The following VPS13B variants were observed in gnomAD, a reference collection of about 807,000 sequenced individuals.
The protein encoded by VPS13B is vacuolar protein sorting 13 homolog B.
Under a neutral mutation model 426.4 loss-of-function variants are expected in VPS13B, and 285 were observed. The observed-to-expected ratio is 0.67, with a 90% CI of 0.61 to 0.74. The LOEUF is 0.74. VPS13B is among the 30% of genes least tolerant of loss of function. The pLI, the probability that VPS13B is intolerant of heterozygous loss-of-function variation, is 0.00. For missense variants in VPS13B, 4,537 were observed against 4,782.6 expected, an observed-to-expected ratio of 0.95 and a Z score of 1.51; for synonymous variants, 1,676 against 1,676.4, an observed-to-expected ratio of 1.00 and a Z score of 0.01.
At position 99,334,287 on chromosome 8, in the gene VPS13B, T is replaced by C. The variant is rs139186418; in HGVS notation, c.2825-49921T>C. Among the ~76,000 whole-genome samples, 925 of 152,110 alleles carry C rather than the reference T, an allele frequency of 6.1e-3. 13 individuals are homozygous for C. The highest frequency in any genetic ancestry group is 0.021 in the African/African-American group (880 of 41,528). ...TACTAAGCTTGAAATGATATCTCAT[T>C]CTTGTTTTAATTTGTGCTTCTCAGT... is the stretch of plus-strand genomic sequence containing the variant. On this transcript the variant is annotated intron_variant, in intron 19 of 61. Coordinates refer to ENST00000357162, the MANE Select transcript of VPS13B (RefSeq NM_152564.5).
At chr8:99,492,865 G>A (rs1820688890) in intron 25 of VPS13B, among the ~76,000 whole-genome samples, 3 of 152,112 alleles carry the variant, frequency 2.0e-5, no homozygotes, top group Admixed American at 2.0e-4. Context: ...CACCCTCCAT[G>A]GGCTGCACCC....
At chr8:99,064,544 G>A (rs914075551) in intron 3 of VPS13B, among the ~76,000 whole-genome samples, 1 of 152,186 alleles carries the variant, frequency 6.6e-6, no homozygotes, top group African/African-American at 2.4e-5. Context: ...AAAATGAGAA[G>A]AGAAGTTTAG....
rs973647905 is a variant in VPS13B at position 99,411,610 on chromosome 8, T to C, written c.3082+19906T>C. On this transcript the variant is annotated intron_variant, in intron 21 of 61. Transcript: ENST00000357162. ...TTTTGGTTTTTGTTGCCGTTGCTTTTGGTGTTTTAGTTATGAAGTCTTTGC... is the reference window on the plus strand; with the variant it reads ...TTTTGGTTTTTGTTGCCGTTGCTTTCGGTGTTTTAGTTATGAAGTCTTTGC... Among the ~76,000 whole-genome samples, 14 of 152,246 alleles carry C rather than the reference T, an allele frequency of 9.2e-5. 1 individual carries two copies. The highest frequency in any genetic ancestry group is 3.4e-4 in the African/African-American group (14 of 41,474).
chr8:99,855,843 C>T (rs571783995), intron 56 of VPS13B, among the ~76,000 whole-genome samples: 10 of 152,332 alleles, frequency 6.6e-5, no homozygotes, highest in African/African-American at 2.2e-4. Context: ...ATGAAGAAAA[C>T]ATTTCCCTAT....
At chr8:99,356,971 A>G (rs1421599311) in intron 19 of VPS13B, among the ~76,000 whole-genome samples, 1 of 152,184 alleles carries the variant, frequency 6.6e-6, no homozygotes, top group Non-Finnish European at 1.5e-5. Context: ...TATTTATTAT[A>G]GAAAATGTAA....
chr8:99,300,561 G>T (rs1820304743), intron 19 of VPS13B, among the ~76,000 whole-genome samples: 1 of 152,114 alleles, frequency 6.6e-6, no homozygotes, highest in African/African-American at 2.4e-5. Context: ...ATATGTGTTT[G>T]GCTAAGAGTA....
intron 25 of VPS13B, 113 bp downstream of exon 25, chr8:99,481,915 G>T: frequency 7.9e-7 from 1 of 1,266,156 alleles, no homozygotes; most frequent in Non-Finnish European, 1.1e-6. Flanking sequence ...GATAGATTCT[G>T]AAGGTTCAAG....
intron 21 of VPS13B, among the ~76,000 whole-genome samples, chr8:99,394,178 A>G (rs1814609085): frequency 6.6e-6 from 1 of 152,138 alleles, no homozygotes; most frequent in Non-Finnish European, 1.5e-5. Flanking sequence ...GTTACAGTGG[A>G]GAAATGTTAA....
At chr8:99,418,979 G>T (rs533001275) in intron 21 of VPS13B, among the ~76,000 whole-genome samples, 1 of 152,100 alleles carries the variant, frequency 6.6e-6, no homozygotes, top group African/African-American at 2.4e-5. Context: ...TCTCGCAAAG[G>T]CCTTGCCACT....
chr8:99,051,211 G>A (rs948647564), intron 3 of VPS13B, among the ~76,000 whole-genome samples: 1 of 152,156 alleles, frequency 6.6e-6, no homozygotes, highest in Non-Finnish European at 1.5e-5. Context: ...TTTGTATAAG[G>A]TGTAAGGAAG....
intron 51 of VPS13B, among the ~76,000 whole-genome samples, chr8:99,826,649 G>T (rs747690758): frequency 6.6e-6 from 1 of 152,192 alleles, no homozygotes; most frequent in Non-Finnish European, 1.5e-5. Flanking sequence ...TCTTGTGATG[G>T]TTTTCAAAGG....
chr8:99,476,366 G>C (rs1216928855), intron 24 of VPS13B, among the ~76,000 whole-genome samples: 2 of 151,404 alleles, frequency 1.3e-5, no homozygotes, highest in Non-Finnish European at 2.9e-5. Flanking sequence ...TATGCTTCCA[G>C]ACTCTCTTTG....
chr8:99,128,856 A>G (rs1376939816), intron 8 of VPS13B, among the ~76,000 whole-genome samples: 1 of 152,062 alleles, frequency 6.6e-6, no homozygotes, highest in Non-Finnish European at 1.5e-5. Context: ...ATACTTTAAG[A>G]TAGCTGGACT....
chr8:99,790,131 ATAGTTT>A (rs1349333910), intron 43 of VPS13B, among the ~76,000 whole-genome samples: 1 of 152,150 alleles, frequency 6.6e-6, no homozygotes, highest in Non-Finnish European at 1.5e-5. Flanking sequence ...AACTATTGCA[ATAGTTT>A]TTCTCAATTG....
intron 19 of VPS13B, among the ~76,000 whole-genome samples, chr8:99,330,403 T>G (rs1300477390): frequency 6.6e-6 from 1 of 151,850 alleles, no homozygotes; most frequent in Non-Finnish European, 1.5e-5. Context: ...ATTCAGGAAT[T>G]TAATCAAGTA....
At chr8:99,532,200 CT>C (rs1822970195) in intron 30 of VPS13B, among the ~76,000 whole-genome samples, 1 of 152,052 alleles carries the variant, frequency 6.6e-6, no homozygotes, top group African/African-American at 2.4e-5. Context: ...TCCATAGCTC[CT>C]TTTTAAACAT....
chr8:99,326,842 T>C (rs1810305164), intron 19 of VPS13B, among the ~76,000 whole-genome samples: 1 of 152,234 alleles, frequency 6.6e-6, no homozygotes. Context: ...CTGGCCTCAG[T>C]TGAAGTTCAG....
At chr8:99,016,506 C>CTTT (rs201275543) in intron 2 of VPS13B, among the ~76,000 whole-genome samples, 2 of 93,198 alleles carry the variant, frequency 2.1e-5, no homozygotes, top group African/African-American at 7.5e-5. Flanking sequence ...ATTTAGCTAT[C>CTTT]TTTTTTTTTT....
chr8:99,149,304 C>T (rs1304856951), intron 14 of VPS13B, among the ~76,000 whole-genome samples: 3 of 152,166 alleles, frequency 2.0e-5, no homozygotes, highest in African/African-American at 4.8e-5. Flanking sequence ...CTTATACATA[C>T]AAGGCCTTAT....
Sources: allele counts gnomAD v4.1 joint callset (sites outside exome capture counted in the v4.1 genomes callset), GRCh38; gene constraint gnomAD v4.1.1; transcripts MANE v1.5; gene names NCBI Gene and HGNC (gene_info 2026-07-23, HGNC 2026-07-21).